Variants in DPH6 observed in about 807,000 individuals in gnomAD.
The protein encoded by DPH6 is diphthine--ammonia ligase.
DPH6 carries 33 observed loss-of-function variants against 38.2 expected under a neutral mutation model. The observed-to-expected ratio is 0.86, with a 90% CI of 0.65 to 1.15. The LOEUF (loss-of-function observed/expected upper bound fraction) is 1.15, where lower values mean the gene tolerates loss of function less well. Ranked by LOEUF, DPH6 falls within the 50% of genes most tolerant of loss-of-function variation. DPH6 has a pLI of 0.00. For synonymous variants in DPH6, 108 were observed against 103.0 expected (o/e 1.05, Z -0.30); for missense variants, 325 against 320.0 (o/e 1.02, Z -0.12).
intron 3 of DPH6, among the ~76,000 whole-genome samples, chr15:35,263,398 CTTTT>C (rs757916530): frequency 5.1e-5 from 5 of 98,996 alleles, no homozygotes; most frequent in Admixed American, 1.2e-4. Flanking sequence ...CATAATTAAT[CTTTT>C]TTTTTTTTTT....
intron 3 of DPH6, among the ~76,000 whole-genome samples, chr15:35,274,704 G>T (rs964395228): frequency 1.3e-5 from 2 of 151,920 alleles, no homozygotes; most frequent in African/African-American, 4.8e-5. Context: ...ACCATCTCAC[G>T]CCAGTTAGAA....
intron 3 of DPH6, among the ~76,000 whole-genome samples, chr15:35,507,510 A>C (rs2054710355): frequency 6.6e-6 from 1 of 152,108 alleles, no homozygotes; most frequent in African/African-American, 2.4e-5. Context: ...GTGTATGTGA[A>C]TATTTCCAAT....
the DPH6 span, among the ~76,000 whole-genome samples, chr15:35,194,370 A>AGAGAC: frequency 1.2e-4 from 14 of 112,850 alleles, no homozygotes; most frequent in Admixed American, 6.2e-4. Context: ...TCCTTTTTCC[A>AGAGAC]GAGAGAGAGA....
the DPH6 span, among the ~76,000 whole-genome samples, chr15:35,174,166 CAG>C: frequency 3.9e-5 from 6 of 152,240 alleles, no homozygotes; most frequent in East Asian, 1.2e-3. Flanking sequence ...AATATTCACT[CAG>C]GGAATGAATA....
intron 8 of DPH6, among the ~76,000 whole-genome samples, chr15:35,372,811 G>A (rs1332985483): frequency 6.6e-6 from 1 of 151,808 alleles, no homozygotes; most frequent in Non-Finnish European, 1.5e-5. Flanking sequence ...CTGTGGGTGT[G>A]CCTCAAGACT....
At chr15:35,336,011 A>T (rs944802780) in intron 3 of DPH6, among the ~76,000 whole-genome samples, 13 of 152,216 alleles carry the variant, frequency 8.5e-5, no homozygotes, top group African/African-American at 2.9e-4. Context: ...CTTCCTATCC[A>T]TGAGCACTGA....
At chr15:35,436,478 C>CAAACAAAAAA (rs1247449769) in intron 5 of DPH6, among the ~76,000 whole-genome samples, 4,763 of 60,872 alleles carry the variant, frequency 0.078, 241 homozygotes, top group East Asian at 0.18. Flanking sequence ...ACAAAACAAA[C>CAAACAAAAAA]AAAAACAAAA....
chr15:35,262,855 A>C (rs1347688456), intron 3 of DPH6, among the ~76,000 whole-genome samples: 1 of 152,146 alleles, frequency 6.6e-6, no homozygotes, highest in Non-Finnish European at 1.5e-5. Context: ...TCTAGGAGTC[A>C]GCTGCTACAT....
chr15:35,418,419 A>G (rs2053463119), intron 5 of DPH6, among the ~76,000 whole-genome samples: 2 of 152,080 alleles, frequency 1.3e-5, no homozygotes, highest in African/African-American at 4.8e-5. Context: ...TTTACTGTAA[A>G]CTCTGACACC....
chr15:35,342,241 G>A (rs909164594), intron 3 of DPH6, among the ~76,000 whole-genome samples: 10 of 152,198 alleles, frequency 6.6e-5, no homozygotes, highest in African/African-American at 1.4e-4. Flanking sequence ...CTGTATGTGC[G>A]TGAGTGGCTG....
At chr15:35,540,758 A>C (rs946776942) in intron 2 of DPH6, among the ~76,000 whole-genome samples, 1 of 152,116 alleles carries the variant, frequency 6.6e-6, no homozygotes, top group African/African-American at 2.4e-5. Flanking sequence ...GTGAACCATG[A>C]ACACAAGGAA....
chr15:35,344,458 A>G (rs1242092556), intron 3 of DPH6, among the ~76,000 whole-genome samples: 4 of 151,960 alleles, frequency 2.6e-5, no homozygotes, highest in Admixed American at 1.3e-4. Context: ...AGCTCTCAGG[A>G]AAGACTCAAT....
intron 3 of DPH6, among the ~76,000 whole-genome samples, chr15:35,507,670 A>T (rs926213582): frequency 3.9e-4 from 59 of 152,254 alleles, no homozygotes; most frequent in African/African-American, 1.4e-3. Context: ...CTACTATTAA[A>T]TCATAATTAA....
rs1256838403 is a variant in DPH6, at chr15:35,240,000, G to GT, written n.201-19419dup. 7.1e-5 allele frequency among the ~76,000 whole-genome samples: 10 copies of GT among 141,468 alleles called. 1 individual carries two copies. Among genetic ancestry groups the GT allele is most frequent in the Non-Finnish European group, 1.5e-4 (10 of 64,710 alleles). 92.8% of individuals were successfully genotyped at this position (141,468 alleles called of 152,430 possible). ...GGCAAGAACCCCCCACCCCTTCTCC[G>GT]TGTCTCTACTCTTTTCTCTGGGCTT... On this transcript the variant is annotated intron_variant and non_coding_transcript_variant, in intron 3 of 3. Coordinates refer to the DPH6 transcript ENST00000560386.
At chr15:35,469,756 A>T (rs2054173981) in intron 3 of DPH6, among the ~76,000 whole-genome samples, 1 of 152,346 alleles carries the variant, frequency 6.6e-6, no homozygotes, top group Non-Finnish European at 1.5e-5. Flanking sequence ...ATAATCAGGT[A>T]ACATAAATGT....
At chr15:35,253,015 C>A (rs1036258954) in intron 3 of DPH6, among the ~76,000 whole-genome samples, 1 of 152,152 alleles carries the variant, frequency 6.6e-6, no homozygotes, top group Non-Finnish European at 1.5e-5. Context: ...TGGGTCTGCA[C>A]CAACTATCTC....
chr15:35,406,276 T>C (rs1448384605), intron 6 of DPH6, among the ~76,000 whole-genome samples: 1 of 151,950 alleles, frequency 6.6e-6, no homozygotes, highest in Non-Finnish European at 1.5e-5. Flanking sequence ...CATCGATAGT[T>C]CAAAATCGAT....
intron 6 of DPH6, among the ~76,000 whole-genome samples, chr15:35,390,105 T>G (rs1335737900): frequency 1.3e-5 from 2 of 152,204 alleles, no homozygotes; most frequent in Non-Finnish European, 1.5e-5. Flanking sequence ...CTTATGAAGC[T>G]TAGTTTGGCT....
At chr15:35,437,154 T>C (rs750708176) in intron 5 of DPH6, among the ~76,000 whole-genome samples, 6 of 152,038 alleles carry the variant, frequency 3.9e-5, no homozygotes, top group Non-Finnish European at 8.8e-5. Flanking sequence ...GATGCCTCAC[T>C]TTCTCTCCCT....
Sources: allele counts gnomAD v4.1 joint callset (sites outside exome capture counted in the v4.1 genomes callset), GRCh38; gene constraint gnomAD v4.1.1; transcripts MANE v1.5; gene names NCBI Gene and HGNC (gene_info 2026-07-23, HGNC 2026-07-21).